The following DPF3 variants were observed in gnomAD, a reference collection of about 807,000 sequenced individuals.
The protein encoded by DPF3 is zinc finger protein DPF3.
A neutral mutation model predicts 56.8 loss-of-function variants in DPF3; 18 were observed. The ratio of observed to expected loss-of-function variants is 0.32; its 90% CI spans 0.22 to 0.47. DPF3 has a LOEUF of 0.47. DPF3 is among the 20% of genes least tolerant of loss of function. The probability of loss-of-function intolerance (pLI) is 1.00; values close to 1 mark genes in which losing one functional copy is unlikely to be tolerated. For missense variants in DPF3, 403 were observed against 488.8 expected (o/e 0.82, Z 1.65); for synonymous variants, 188 against 180.2 (o/e 1.04, Z -0.35).
chr14:72,823,492 T>A (rs1329458454), intron 1 of DPF3, among the ~76,000 whole-genome samples: 1 of 151,930 alleles, frequency 6.6e-6, no homozygotes, highest in Non-Finnish European at 1.5e-5. Context: ...GGCTGGTGAG[T>A]CTGTGAATGT....
intron 8 of DPF3, among the ~76,000 whole-genome samples, chr14:72,639,965 T>A (rs1429259641): frequency 7.2e-6 from 1 of 139,218 alleles, no homozygotes; most frequent in African/African-American, 2.7e-5. Flanking sequence ...CAATAAATAA[T>A]GCTGGAGAGG....
chr14:72,781,055 C>T (rs1425178061), intron 1 of DPF3, among the ~76,000 whole-genome samples: 2 of 152,164 alleles, frequency 1.3e-5, no homozygotes, highest in Admixed American at 1.3e-4. Context: ...AAGATAGCTC[C>T]CCAACCTCTA....
chr14:72,724,711 G>GTT (rs3058941), intron 4 of DPF3, among the ~76,000 whole-genome samples: 8,675 of 142,228 alleles, frequency 0.061, 465 homozygotes, highest in South Asian at 0.22. Flanking sequence ...GTTTTTGTTT[G>GTT]TTTTTTTTTT....
chr14:72,647,820 G>A (rs1264534449), intron 8 of DPF3, among the ~76,000 whole-genome samples: 1 of 152,162 alleles, frequency 6.6e-6, no homozygotes, highest in East Asian at 1.9e-4. Context: ...TCACGAGGAG[G>A]TGGCTAGCAG....
chr14:72,799,823 C>G (rs1892797069), intron 1 of DPF3, among the ~76,000 whole-genome samples: 1 of 152,048 alleles, frequency 6.6e-6, no homozygotes, highest in African/African-American at 2.4e-5. Context: ...CCTGAAGCAG[C>G]TGGGAGCCAC....
chr14:72,845,512 G>T (rs1884714449), intron 1 of DPF3, among the ~76,000 whole-genome samples: 3 of 152,174 alleles, frequency 2.0e-5, no homozygotes, highest in African/African-American at 7.2e-5. Context: ...GCACAGGTGA[G>T]GCCCTAAACA....
Position 72,649,518 on chromosome 14 carries a change from A to G in DPF3, c.872-19782T>C, listed in dbSNP as rs555788061. The stretch of plus-strand genomic sequence containing the variant: ...GAGACAAAGAAGACAGGATACAGAG[A>G]AGAAGGGGGCTGGAAGGAGTGGGTG... On this transcript the variant is annotated intron_variant, in intron 8 of 10. Transcript: ENST00000556509. 4.6e-5 allele frequency among the ~76,000 whole-genome samples: 7 copies of G among 152,306 alleles called. No homozygotes were observed. In the East Asian group the frequency reaches 1.3e-3, roughly 29 times the overall value.
At chr14:72,629,156 C>G (rs1349042280) in intron 9 of DPF3, among the ~76,000 whole-genome samples, 5 of 152,016 alleles carry the variant, frequency 3.3e-5, no homozygotes, top group Non-Finnish European at 7.4e-5. Context: ...AGTCCTTATC[C>G]TTTTGAGATA....
At chr14:72,732,445 C>T (rs561397970) in intron 3 of DPF3, among the ~76,000 whole-genome samples, 11 of 152,200 alleles carry the variant, frequency 7.2e-5, no homozygotes, top group Non-Finnish European at 1.6e-4. Context: ...TCCTCATGGC[C>T]ATGCTGGCTG....
chr14:72,685,207 A>T (rs1308045565), intron 7 of DPF3, among the ~76,000 whole-genome samples: 1 of 152,248 alleles, frequency 6.6e-6, no homozygotes, highest in Non-Finnish European at 1.5e-5. Context: ...GCAAAAGTTA[A>T]GGGACATCGG....
intron 8 of DPF3, chr14:72,670,992 C>A: frequency 2.8e-6 from 4 of 1,424,714 alleles, no homozygotes; most frequent in South Asian, 1.5e-5. Flanking sequence ...GATGGAGGGA[C>A]ACGTGGGAGG....
chr14:72,782,566 G>A (rs942876109), intron 1 of DPF3, among the ~76,000 whole-genome samples: 2 of 152,182 alleles, frequency 1.3e-5, no homozygotes, highest in Non-Finnish European at 2.9e-5. Context: ...TGGGCACGGT[G>A]GCCCACGCCT....
intron 7 of DPF3, among the ~76,000 whole-genome samples, chr14:72,684,212 A>T (rs1032820450): frequency 7.9e-5 from 12 of 151,840 alleles, no homozygotes; most frequent in Admixed American, 7.9e-4. Context: ...ACACCTGGCT[A>T]ATTTTTGTAT....
chr14:72,877,982 C>T (rs1886181408), intron 1 of DPF3, among the ~76,000 whole-genome samples: 1 of 152,154 alleles, frequency 6.6e-6, no homozygotes, highest in African/African-American at 2.4e-5. Flanking sequence ...GGAGACTTAC[C>T]TTTGTGAGTA....
chr14:72,662,231 T>C (rs1886246204), intron 8 of DPF3: 1 of 985,304 alleles, frequency 1.0e-6, no homozygotes, highest in African/African-American at 1.7e-5. Context: ...CATGAATGGC[T>C]TTTTAAAAAG....
intron 2 of DPF3, among the ~76,000 whole-genome samples, chr14:72,756,773 T>G (rs2139909089): frequency 7.1e-6 from 1 of 140,480 alleles, no homozygotes; most frequent in East Asian, 2.1e-4. Flanking sequence ...GTCATGCCAC[T>G]GCACTCCAGC....
intron 8 of DPF3, among the ~76,000 whole-genome samples, chr14:72,666,211 A>C (rs1452583666): frequency 6.6e-6 from 1 of 152,206 alleles, no homozygotes. Flanking sequence ...TCCCGCTACC[A>C]CTGGCACCAC....
At chr14:72,749,894 G>A (rs570588494) in intron 3 of DPF3, among the ~76,000 whole-genome samples, 32 of 151,698 alleles carry the variant, frequency 2.1e-4, no homozygotes, top group Non-Finnish European at 3.7e-4. Flanking sequence ...AAGAGAGAGA[G>A]AGGTAAAGAG....
chr14:72,693,291 C>G (rs1887775723), intron 6 of DPF3, 78 bp from the exon 7 acceptor site: 2 of 1,494,180 alleles, frequency 1.3e-6, no homozygotes, highest in African/African-American at 2.8e-5. Context: ...TTCTCCCAGA[C>G]AGTGATCCCA....
Sources: allele counts gnomAD v4.1 joint callset (sites outside exome capture counted in the v4.1 genomes callset), GRCh38; gene constraint gnomAD v4.1.1; transcripts MANE v1.5; gene names NCBI Gene and HGNC (gene_info 2026-07-23, HGNC 2026-07-21).